SLC25A16: variants seen among roughly 807,000 people sequenced by gnomAD.
The protein encoded by SLC25A16 is mitochondrial coenzyme A transporter SLC25A16.
Under a neutral mutation model 41.5 loss-of-function variants are expected in SLC25A16, and 39 were observed. The ratio of observed to expected loss-of-function variants is 0.94; its 90% confidence interval spans 0.73 to 1.23. SLC25A16 has a LOEUF of 1.23. Among genes scored for constraint, SLC25A16 ranks in the 50% most tolerant of loss-of-function variants. SLC25A16 has a pLI of 0.00. For synonymous variants in SLC25A16, 146 were observed against 147.8 expected (o/e 0.99, Z 0.09); for missense variants, 421 against 426.9 (o/e 0.99, Z 0.12).
chr10:68,518,795 AAATAAATAAATAAAT>A (rs1564929069), intron 1 of SLC25A16, among the ~76,000 whole-genome samples: 1 of 133,718 alleles, frequency 7.5e-6, no homozygotes, highest in African/African-American at 3.3e-5. Flanking sequence ...TAAAATAAAT[AAATAAATAAATAAAT>A]TAAATAAATA....
intron 1 of SLC25A16, among the ~76,000 whole-genome samples, chr10:68,523,210 C>G (rs2053276408): frequency 6.6e-6 from 1 of 151,926 alleles, no homozygotes; most frequent in Non-Finnish European, 1.5e-5. Flanking sequence ...CTGCCTCAGC[C>G]TCCTGAGTAG....
At chr10:68,525,607 C>A (rs1364043929) in intron 1 of SLC25A16, among the ~76,000 whole-genome samples, 1 of 152,094 alleles carries the variant, frequency 6.6e-6, no homozygotes, top group Non-Finnish European at 1.5e-5. Flanking sequence ...TAGTGAGCCA[C>A]TGCACACAAC....
chr10:68,525,764 ATTC>A (rs1482602974), intron 1 of SLC25A16, among the ~76,000 whole-genome samples: 3 of 152,188 alleles, frequency 2.0e-5, no homozygotes, highest in Admixed American at 2.0e-4. Context: ...ACTAAGAAAA[ATTC>A]TTCTGCCTTG....
At position 68,497,605 on chromosome 10, in the gene SLC25A16, CT is replaced by C. The variant is rs5785865; in HGVS notation, c.422-4036del. Among the ~76,000 whole-genome samples the C allele has an allele frequency of 5.6e-3, 779 of 138,294 alleles. 8 individuals are homozygous for C. Among genetic ancestry groups the C allele is most frequent in the African/African-American group, 0.015 (557 of 36,726 alleles). 90.7% of individuals were successfully genotyped at this position (138,294 alleles called of 152,430 possible). On this transcript the variant is annotated intron_variant, in intron 4 of 8. Coordinates refer to ENST00000609923, the MANE Select transcript of SLC25A16 (RefSeq NM_152707.4). ...GTCTTTTTCTTCTTACTTCTAACAT[CT>C]TTTTTTTTTTTTTAATTTTTTTTTT...
At chr10:68,509,039 G>C (rs2133563790) in intron 2 of SLC25A16, among the ~76,000 whole-genome samples, 1 of 152,202 alleles carries the variant, frequency 6.6e-6, no homozygotes, top group East Asian at 1.9e-4. Context: ...AATAGATACA[G>C]TACTTCTAAA....
intron 7 of SLC25A16, 150 bp from the exon 8 acceptor site, chr10:68,487,362 T>A (rs1424320185): frequency 5.1e-6 from 3 of 590,094 alleles, no homozygotes; most frequent in African/African-American, 1.9e-5. Context: ...GGCATATGAA[T>A]AAAATCAATT....
intron 1 of SLC25A16, among the ~76,000 whole-genome samples, chr10:68,520,100 A>C (rs1041437972): frequency 2.7e-5 from 4 of 148,308 alleles, no homozygotes; most frequent in African/African-American, 5.0e-5. Flanking sequence ...ACAGGAACCC[A>C]CCACCTCGCC....
intron 1 of SLC25A16, among the ~76,000 whole-genome samples, chr10:68,518,447 T>C (rs996569017): frequency 3.3e-5 from 5 of 150,896 alleles, no homozygotes; most frequent in African/African-American, 1.2e-4. Flanking sequence ...ACAAATAAAA[T>C]TTTAATTTTA....
At chr10:68,520,741 G>GGCAGAGGTTGCA (rs1355686728) in intron 1 of SLC25A16, among the ~76,000 whole-genome samples, 1 of 150,852 alleles carries the variant, frequency 6.6e-6, no homozygotes, top group Non-Finnish European at 1.5e-5. Context: ...GAATCCAGGA[G>GGCAGAGGTTGCA]GCAGAGGTTG....
intron 8 of SLC25A16, 120 bp from the exon 9 acceptor site, chr10:68,483,708 T>G: frequency 1.3e-6 from 1 of 760,906 alleles, no homozygotes; most frequent in Non-Finnish European, 2.0e-6. Flanking sequence ...CAGATGGGAG[T>G]GTGGATTGCA....
rs2053160341 is a variant in SLC25A16, at chr10:68,516,299, G to A, written c.223+452C>T. 3.3e-5 allele frequency among the ~76,000 whole-genome samples: 5 copies of A among 152,072 alleles called. No individual in the cohort carries two copies. In the South Asian group the frequency reaches 8.3e-4, roughly 25 times the overall value. On this transcript the variant is annotated intron_variant, in intron 2 of 8. Transcript: ENST00000609923. ...TGGCTGGAACGGGACCTCACAGCCT[G>A]TATTTGTCCCGACTGGCTAGCAACT...
intron 4 of SLC25A16, among the ~76,000 whole-genome samples, chr10:68,502,800 G>A (rs1419922591): frequency 3.7e-4 from 22 of 59,832 alleles, no homozygotes; most frequent in African/African-American, 1.4e-3. Context: ...GAGGGGTAGG[G>A]AGGGAAGCGG....
intron 2 of SLC25A16, among the ~76,000 whole-genome samples, chr10:68,514,802 A>T (rs992848509): frequency 6.6e-6 from 1 of 151,656 alleles, no homozygotes; most frequent in Non-Finnish European, 1.5e-5. Context: ...CAATGGCTTG[A>T]TCTCAGCTTA....
At chr10:68,517,294 C>T in intron 1 of SLC25A16, 6 of 976,364 alleles carry the variant, frequency 6.1e-6, no homozygotes, top group Non-Finnish European at 7.3e-6. Flanking sequence ...AAACAACCAA[C>T]TTTTACCCAT....
intron 4 of SLC25A16, chr10:68,503,060 C>T (rs2052884871): frequency 6.6e-6 from 1 of 151,984 alleles, no homozygotes; most frequent in Admixed American, 6.6e-5. Flanking sequence ...CTAGAGAATG[C>T]AACTATTTTT....
intron 4 of SLC25A16, among the ~76,000 whole-genome samples, chr10:68,502,567 A>G (rs1418610496): frequency 6.6e-6 from 1 of 151,014 alleles, no homozygotes; most frequent in Non-Finnish European, 1.5e-5. Flanking sequence ...CCGTCTCTAC[A>G]GAGAATACAA....
chr10:68,485,251 A>G (rs2052539902), intron 8 of SLC25A16, among the ~76,000 whole-genome samples: 1 of 151,760 alleles, frequency 6.6e-6, no homozygotes. Context: ...CGCCACACCC[A>G]GCTAATTTTT....
intron 1 of SLC25A16, among the ~76,000 whole-genome samples, chr10:68,524,651 T>A (rs1321809029): frequency 2.8e-5 from 4 of 141,496 alleles, no homozygotes; most frequent in Non-Finnish European, 6.0e-5. Flanking sequence ...GAGGTTGCAG[T>A]GAGCCGAGAT....
chr10:68,516,660 T>A, intron 2 of SLC25A16, 91 bp downstream of exon 2: 1 of 837,808 alleles, frequency 1.2e-6, no homozygotes, highest in Non-Finnish European at 1.8e-6. Flanking sequence ...ACCTCTACTT[T>A]ACTTTTTACA....
Sources: allele counts gnomAD v4.1 joint callset (sites outside exome capture counted in the v4.1 genomes callset), GRCh38; gene constraint gnomAD v4.1.1; transcripts MANE v1.5; gene names NCBI Gene and HGNC (gene_info 2026-07-23, HGNC 2026-07-21).